The following MAGI2 variants were observed in gnomAD, a reference collection of about 807,000 sequenced individuals.
The protein encoded by MAGI2 is membrane associated guanylate kinase, WW and PDZ domain containing 2, also known as membrane-associated guanylate kinase, WW and PDZ domain-containing protein 2.
Under a neutral mutation model 133.3 loss-of-function variants are expected in MAGI2, and 35 were observed. That is an observed-to-expected ratio of 0.26 (90% CI 0.20 to 0.35). MAGI2 has a LOEUF of 0.35. Ranked by LOEUF, MAGI2 falls within the 10% of genes least tolerant of loss-of-function variation. MAGI2 has a pLI of 1.00. For missense variants in MAGI2, 1,636 were observed against 1,863.4 expected (o/e 0.88, Z 2.25); for synonymous variants, 729 against 710.6 (o/e 1.03, Z -0.41).
chr7:78,970,255 T>C (rs944868270), intron 2 of MAGI2, among the ~76,000 whole-genome samples: 8 of 152,094 alleles, frequency 5.3e-5, no homozygotes, highest in African/African-American at 1.9e-4. Context: ...AGATACTTTG[T>C]TAAGCAAGTG....
intron 9 of MAGI2, among the ~76,000 whole-genome samples, chr7:78,288,011 A>T (rs1181221292): frequency 6.6e-6 from 1 of 152,182 alleles, no homozygotes; most frequent in African/African-American, 2.4e-5. Flanking sequence ...GAGAAGAAGA[A>T]ATGCCTATAA....
At chr7:78,538,616 G>C (rs985155667) in intron 3 of MAGI2, among the ~76,000 whole-genome samples, 1 of 152,104 alleles carries the variant, frequency 6.6e-6, no homozygotes, top group Non-Finnish European at 1.5e-5. Context: ...TTGTAAAAGG[G>C]GTTGAGTTCT....
chr7:78,480,594 C>T (rs969314742), intron 6 of MAGI2, among the ~76,000 whole-genome samples: 1 of 151,890 alleles, frequency 6.6e-6, no homozygotes, highest in Non-Finnish European at 1.5e-5. Context: ...GAAAATCACT[C>T]AATGTAATCT....
intron 2 of MAGI2, among the ~76,000 whole-genome samples, chr7:78,638,014 A>G (rs1809861367): frequency 6.6e-6 from 1 of 152,108 alleles, no homozygotes; most frequent in African/African-American, 2.4e-5. Context: ...CAGTGACTCA[A>G]GATCATGCCA....
chr7:79,450,260 G>A (rs902202707), intron 1 of MAGI2, among the ~76,000 whole-genome samples: 70 of 152,032 alleles, frequency 4.6e-4, no homozygotes, highest in Non-Finnish European at 1.9e-4. Context: ...ACTGGGCCAA[G>A]AGTTTCTAAA....
At chr7:78,631,793 TGAA>T (rs774624706) in intron 2 of MAGI2, among the ~76,000 whole-genome samples, 6 of 152,232 alleles carry the variant, frequency 3.9e-5, no homozygotes, top group Non-Finnish European at 7.3e-5. Context: ...TTGGTTCAGA[TGAA>T]GGAGAAACTA....
rs1272496995 is a variant in MAGI2, at chr7:78,108,965, T to C, written c.3567+16729A>G. 6.6e-5 allele frequency among the ~76,000 whole-genome samples: 10 copies of C among 151,880 alleles called. No homozygotes were observed. In the South Asian group the frequency reaches 2.1e-3, roughly 32 times the overall value. On this transcript the variant is annotated intron_variant, in intron 20 of 21. Transcript: ENST00000354212. ...TATAAATTGGAGGAATAGAGTAGCATACAAGGATGGAAAATGGCATGGGAC... is the reference window on the plus strand; with the variant it reads ...TATAAATTGGAGGAATAGAGTAGCACACAAGGATGGAAAATGGCATGGGAC...
intron 10 of MAGI2, chr7:78,253,926 A>G (rs1792695438): frequency 6.6e-6 from 1 of 152,188 alleles, no homozygotes; most frequent in Non-Finnish European, 1.5e-5. Context: ...TTCACCACAT[A>G]AGCATGGTGC....
chr7:78,935,835 T>C (rs1800468054), intron 2 of MAGI2, among the ~76,000 whole-genome samples: 3 of 152,090 alleles, frequency 2.0e-5, no homozygotes, highest in Admixed American at 2.0e-4. Context: ...GAGTTTCTCT[T>C]GAGTGTGCTC....
At chr7:79,358,726 GGGAAACACCTTTTACTCCCTCT>G (rs1449225372) in intron 1 of MAGI2, among the ~76,000 whole-genome samples, 2 of 152,060 alleles carry the variant, frequency 1.3e-5, no homozygotes, top group Non-Finnish European at 2.9e-5. Context: ...GCCTAGCTTG[GGGAAACACCTTTTACTCCCTCT>G]GGAACCAACA....
At position 78,553,106 on chromosome 7, in the gene MAGI2, A is replaced by AC. The variant is rs994158930; in HGVS notation, c.539-31462_539-31461insG. 3.4e-4 allele frequency among the ~76,000 whole-genome samples: 51 copies of AC among 151,052 alleles called. No individual in the cohort carries two copies. The East Asian group carries it at 8.9e-3, about 26-fold the overall frequency. ...ATCAACTTTAAATTAAAAAAAAAAA[A>AC]AACAAACACCAAAGTGTATTCCAGA... On this transcript the variant is annotated intron_variant, in intron 3 of 21. Transcript: ENST00000354212.
chr7:78,514,802 G>T (rs1795903311), intron 4 of MAGI2, among the ~76,000 whole-genome samples: 1 of 152,196 alleles, frequency 6.6e-6, no homozygotes, highest in Non-Finnish European at 1.5e-5. Flanking sequence ...CTGGATGCGG[G>T]TCCCTAATGG....
chr7:79,075,918 G>A (rs1464744345), intron 1 of MAGI2, among the ~76,000 whole-genome samples: 1 of 151,898 alleles, frequency 6.6e-6, no homozygotes. Context: ...CAAATATCTG[G>A]GCAGTTTTAG....
At chr7:78,536,569 G>C (rs1797949957) in intron 3 of MAGI2, among the ~76,000 whole-genome samples, 2 of 152,140 alleles carry the variant, frequency 1.3e-5, no homozygotes, top group African/African-American at 4.8e-5. Flanking sequence ...GAGAAAAACA[G>C]AAAACAGAGT....
chr7:78,412,706 A>G (rs1452950948), intron 6 of MAGI2, among the ~76,000 whole-genome samples: 3 of 152,086 alleles, frequency 2.0e-5, no homozygotes, highest in Non-Finnish European at 4.4e-5. Flanking sequence ...GCAACCATCC[A>G]AGTTGTGTAT....
At chr7:79,320,435 CAT>C (rs1754425635) in intron 1 of MAGI2, among the ~76,000 whole-genome samples, 1 of 152,032 alleles carries the variant, frequency 6.6e-6, no homozygotes. Flanking sequence ...ATTTGCCCTT[CAT>C]AGGTGTAACA....
Position 78,955,443 on chromosome 7 carries a change from T to C in MAGI2, c.418+51647A>G, listed in dbSNP as rs150702507. On this transcript the variant is annotated intron_variant, in intron 2 of 21. Coordinates refer to ENST00000354212, the MANE Select transcript of MAGI2 (RefSeq NM_012301.4). ...GTTATTTGCATATTAAAAATTAGCA[T>C]AAAGGTACATATTACAAAAAGGAAA... 2.0e-5 allele frequency among the ~76,000 whole-genome samples: 3 copies of C among 152,234 alleles called. No individual in the cohort carries two copies. In the East Asian group the frequency reaches 5.8e-4, roughly 29 times the overall value.
intron 1 of MAGI2, among the ~76,000 whole-genome samples, chr7:79,257,464 A>G (rs142684100): frequency 1.6e-3 from 246 of 152,350 alleles, no homozygotes; most frequent in African/African-American, 5.6e-3. Context: ...TGTAAAAAGC[A>G]TTCACTTGTG....
At chr7:79,002,926 G>A (rs1807039937) in intron 2 of MAGI2, among the ~76,000 whole-genome samples, 1 of 135,610 alleles carries the variant, frequency 7.4e-6, no homozygotes, top group South Asian at 2.5e-4. Context: ...TTTTTTTTTA[G>A]AATTAGGCGG....
Sources: allele counts gnomAD v4.1 joint callset (sites outside exome capture counted in the v4.1 genomes callset), GRCh38; gene constraint gnomAD v4.1.1; transcripts MANE v1.5; gene names NCBI Gene and HGNC (gene_info 2026-07-23, HGNC 2026-07-21).